DNAH6: variants seen among roughly 807,000 people sequenced by gnomAD.
DNAH6 encodes the protein axonemal beta dynein heavy chain 6.
DNAH6 carries 340 observed loss-of-function variants against 491.4 expected under a neutral mutation model. The ratio of observed to expected loss-of-function variants is 0.69; its 90% CI spans 0.63 to 0.76. The LOEUF is 0.76. DNAH6 is among the 30% of genes least tolerant of loss of function. The pLI, the probability that DNAH6 is intolerant of heterozygous loss-of-function variation, is 0.00. For missense variants in DNAH6, 4,443 were observed against 4,972.2 expected, an observed-to-expected ratio of 0.89 and a Z score of 3.20; for synonymous variants, 1,603 against 1,686.1, an observed-to-expected ratio of 0.95 and a Z score of 1.21.
intron 71 of DNAH6, among the ~76,000 whole-genome samples, chr2:84,807,927 C>G (rs1277669089): frequency 6.6e-6 from 1 of 152,150 alleles, no homozygotes; most frequent in East Asian, 1.9e-4. Context: ...CTTCTCCTTC[C>G]TTTTTCCAGT....
intron 37 of DNAH6, among the ~76,000 whole-genome samples, chr2:84,664,837 C>T (rs1402659541): frequency 2.0e-5 from 3 of 152,220 alleles, no homozygotes; most frequent in African/African-American, 7.2e-5. Context: ...AAATTGGCCA[C>T]ATAGGTGGAA....
intron 18 of DNAH6, among the ~76,000 whole-genome samples, chr2:84,598,160 T>TTTCTTTCTTTCTTTC (rs1558774097): frequency 1.6e-5 from 1 of 64,138 alleles, no homozygotes; most frequent in Non-Finnish European, 3.5e-5. Flanking sequence ...TCTTTCTTTC[T>TTTCTTTCTTTCTTTC]TTCTTTCTTT....
At chr2:84,585,136 T>C (rs1461860479) in intron 15 of DNAH6, among the ~76,000 whole-genome samples, 6 of 152,230 alleles carry the variant, frequency 3.9e-5, no homozygotes, top group Admixed American at 3.9e-4. Flanking sequence ...GTTGTTACTT[T>C]TGTATTGAAG....
chr2:84,729,322 A>T (rs538140134), intron 61 of DNAH6, among the ~76,000 whole-genome samples: 3 of 152,322 alleles, frequency 2.0e-5, no homozygotes, highest in Non-Finnish European at 4.4e-5. Context: ...TAACACACTT[A>T]ACAGGACCTG....
At chr2:84,804,220 A>G (rs1168353652) in intron 70 of DNAH6, among the ~76,000 whole-genome samples, 2 of 151,644 alleles carry the variant, frequency 1.3e-5, no homozygotes, top group East Asian at 3.9e-4. Flanking sequence ...AAAAAAAAAA[A>G]AAAAGTCTAA....
intron 54 of DNAH6, among the ~76,000 whole-genome samples, chr2:84,709,075 C>T (rs563849292): frequency 2.0e-5 from 3 of 152,350 alleles, no homozygotes; most frequent in South Asian, 2.1e-4. Context: ...TGCGACAACC[C>T]AGTCATTTAC....
At chr2:84,719,537 G>T (rs533351211) in intron 59 of DNAH6, among the ~76,000 whole-genome samples, 3 of 151,808 alleles carry the variant, frequency 2.0e-5, no homozygotes, top group East Asian at 3.9e-4. Context: ...TTGAGACAGG[G>T]TTTCGCTCTG....
At chr2:84,526,809 A>G (rs1347677630) in intron 3 of DNAH6, among the ~76,000 whole-genome samples, 1 of 152,112 alleles carries the variant, frequency 6.6e-6, no homozygotes, top group Non-Finnish European at 1.5e-5. Flanking sequence ...TCCAGAAAAG[A>G]TCTGAGCCAG....
intron 39 of DNAH6, 92 bp from the exon 40 acceptor site, chr2:84,672,235 T>A: frequency 7.8e-7 from 1 of 1,280,926 alleles, no homozygotes; most frequent in Non-Finnish European, 1.1e-6. Flanking sequence ...ACCTGTAGGA[T>A]GTCATTGAGT....
chr2:84,493,668 T>A, the DNAH6 span, among the ~76,000 whole-genome samples: 1 of 152,110 alleles, frequency 6.6e-6, no homozygotes, highest in Non-Finnish European at 1.5e-5. Context: ...TAAAAAGTTA[T>A]GTAAATGAGT....
rs1676534791 is a variant in DNAH6, at chr2:84,525,570, G to C, written c.231G>C (p.Val77=). Reference sequence around the variant, plus strand: ...TGTCTCTCTATTTCCCAAAGCCAGTGCTAAAAGTCTACCAAGATCATAAGC... The same window carrying C: ...TGTCTCTCTATTTCCCAAAGCCAGTCCTAAAAGTCTACCAAGATCATAAGC... ...QQPIKLEPLP[V]LKVYQDHKQP... The change falls in exon 3 of 77, where the codon GTG becomes GTC. Residue 77 remains valine (V), a synonymous_variant. Transcript: ENST00000389394. 6.5e-7 allele frequency: 1 copy of C among 1,541,310 alleles called. No individual in the cohort carries two copies.
At chr2:84,765,084 A>C (rs899231021) in intron 64 of DNAH6, among the ~76,000 whole-genome samples, 8 of 152,188 alleles carry the variant, frequency 5.3e-5, no homozygotes, top group Admixed American at 2.0e-4. Flanking sequence ...ACATTTCAGA[A>C]GAACTTAAAT....
chr2:84,730,639 C>G lies in DNAH6; in HGVS notation c.10206+2737C>G, dbSNP rs576889430. Among the ~76,000 whole-genome samples, 12 of 152,272 alleles carry G rather than the reference C, an allele frequency of 7.9e-5. No individual in the cohort carries two copies. The South Asian group carries it at 2.5e-3, about 32-fold the overall frequency. On this transcript the variant is annotated intron_variant, in intron 61 of 76. Transcript: ENST00000389394. The stretch of plus-strand genomic sequence containing the variant: ...GGGCCACATTCAAAACCGTCCTAGG[C>G]TGCATGTGGCCTGTGGGCCATGGGT...
rs561138047 is a variant in DNAH6 at position 84,743,708 on chromosome 2, G to C, written c.10343-1372G>C. Among the ~76,000 whole-genome samples the C allele has an allele frequency of 3.9e-5, 6 of 152,274 alleles. No homozygotes were observed. The South Asian group carries it at 8.3e-4, about 21-fold the overall frequency. ...GTGGTGGTGTGCACCTGTAGTCCCA[G>C]CTATTCAGGAGGCTGAGGCTGGAGA... On this transcript the variant is annotated intron_variant, in intron 62 of 76. Transcript: ENST00000389394.
chr2:84,491,967 G>A, the DNAH6 span, among the ~76,000 whole-genome samples: 1 of 152,146 alleles, frequency 6.6e-6, no homozygotes, highest in South Asian at 2.1e-4. Context: ...CGTTGCGCCG[G>A]TCAGATTCCG....
In DNAH6 at chr2:84,640,538, T is replaced by C; in HGVS notation, c.4930T>C (p.Phe1644Leu). 1 of 1,551,110 alleles carries C rather than the reference T, an allele frequency of 6.4e-7. No individual in the cohort carries two copies. The highest frequency in any genetic ancestry group is 8.7e-7 in the Non-Finnish European group (1 of 1,146,630). ...EQLSQQDHYD[F>L]GMRAVKSVLV... The stretch of plus-strand genomic sequence containing the variant: ...GCTGTCTCAGCAGGATCACTACGAC[T>C]TTGGCATGAGAGCTGTGAAGTCTGT... Residue 1644 changes from phenylalanine (F) to leucine (L), a missense_variant, in exon 32 of 77, where the codon TTT becomes CTT. Phe to Leu is a conservative substitution (Grantham distance 22, BLOSUM62 0). This residue lies in a region of DNAH6 where 2,977 missense variants were observed against 3,296.6 expected (regional missense o/e 0.90). Coordinates refer to ENST00000389394, the MANE Select transcript of DNAH6 (RefSeq NM_001370.2).
intron 10 of DNAH6, among the ~76,000 whole-genome samples, chr2:84,553,701 C>T (rs955147889): frequency 7.6e-6 from 1 of 131,450 alleles, no homozygotes; most frequent in Non-Finnish European, 1.5e-5. Flanking sequence ...AACTCCTGGG[C>T]TCAAGTGATC....
chr2:84,577,230 A>G (rs1182827482), intron 12 of DNAH6, 27 bp from the exon 13 acceptor site: 1 of 1,441,324 alleles, frequency 6.9e-7, no homozygotes, highest in Non-Finnish European at 9.4e-7. Flanking sequence ...GGTATATTTT[A>G]TGCTTTATGT....
intron 59 of DNAH6, among the ~76,000 whole-genome samples, chr2:84,719,308 AT>A (rs971754117): frequency 4.6e-5 from 7 of 151,460 alleles, no homozygotes; most frequent in Non-Finnish European, 1.0e-4. Flanking sequence ...TGGGTTTTTT[AT>A]TTTTTTATTT....
Sources: gnomAD v4.1 joint callset for allele counts (sites outside exome capture counted in the v4.1 genomes callset) on GRCh38, gnomAD v4.1.1 for gene constraint, gnomAD v4.1.1 regional missense constraint, MANE v1.5 for transcripts, NCBI Gene and HGNC (gene_info 2026-07-23, HGNC 2026-07-21) for gene names.